The following KAZN variants were observed in gnomAD, a reference collection of about 807,000 sequenced individuals.
KAZN encodes the protein kazrin, periplakin interacting protein.
KAZN carries 40 observed loss-of-function variants against 87.4 expected under a neutral mutation model. That is an observed-to-expected ratio of 0.46 (90% CI 0.36 to 0.60). KAZN has a LOEUF of 0.60. Ranked by LOEUF, KAZN falls within the 20% of genes least tolerant of loss-of-function variation. The pLI is 0.00. For missense variants in KAZN, 898 were observed against 1,073.9 expected (o/e 0.84, Z 2.29); for synonymous variants, 466 against 458.3 (o/e 1.02, Z -0.22).
chr1:14,426,537 A>G (rs1452516930), intron 2 of KAZN, among the ~76,000 whole-genome samples: 1 of 151,886 alleles, frequency 6.6e-6, no homozygotes, highest in Non-Finnish European at 1.5e-5. Context: ...CTGAGACCCC[A>G]GCTGGCCCAA....
At position 14,478,961 on chromosome 1, in the gene KAZN, T is replaced by C. The variant is rs1197063383; in HGVS notation, c.250-120022T>C. ...AAGGAGAAAACAAGATACAGGTATA[T>C]TATAAAGGTTGTTGTTATGGGCAAC... On this transcript the variant is annotated intron_variant, in intron 2 of 16. Transcript: ENST00000636203. Among the ~76,000 whole-genome samples the C allele has an allele frequency of 2.0e-5, 3 of 152,190 alleles. No homozygotes were observed. In the East Asian group the frequency reaches 5.8e-4, roughly 29 times the overall value.
intron 1 of KAZN, among the ~76,000 whole-genome samples, chr1:14,901,540 TG>T (rs1457825402): frequency 1.3e-5 from 2 of 151,736 alleles, no homozygotes; most frequent in African/African-American, 4.8e-5. Flanking sequence ...GGGAGTCAGA[TG>T]GGGGTGGAGA....
intron 1 of KAZN, among the ~76,000 whole-genome samples, chr1:14,883,922 G>C (rs1451679765): frequency 1.3e-5 from 2 of 152,192 alleles, no homozygotes; most frequent in East Asian, 3.9e-4. Context: ...CTGTTTTACA[G>C]AAGAGAGAGG....
intron 1 of KAZN, among the ~76,000 whole-genome samples, chr1:14,888,180 G>C (rs537467813): frequency 6.6e-6 from 1 of 152,156 alleles, no homozygotes; most frequent in Non-Finnish European, 1.5e-5. Context: ...AGCGTGCCTC[G>C]CCGGAGCGGT....
At chr1:15,108,761 A>G (rs496567) in intron 13 of KAZN, among the ~76,000 whole-genome samples, 36,774 of 152,056 alleles carry the variant, frequency 0.24, 4,744 homozygotes, top group East Asian at 0.53. Flanking sequence ...GGTTCTCTAC[A>G]TTGACTCAGG....
chr1:14,249,374 AG>A (rs2100606156), intron 2 of KAZN, among the ~76,000 whole-genome samples: 1 of 152,374 alleles, frequency 6.6e-6, no homozygotes, highest in Admixed American at 6.5e-5. Flanking sequence ...ATCAAGACAG[AG>A]ATTGAATTAT....
At chr1:14,029,717 T>C (rs1176084186) in intron 1 of KAZN, among the ~76,000 whole-genome samples, 1 of 151,820 alleles carries the variant, frequency 6.6e-6, no homozygotes, top group Non-Finnish European at 1.5e-5. Context: ...CCCAACACCA[T>C]TTATTAAATA....
intron 2 of KAZN, among the ~76,000 whole-genome samples, chr1:14,466,839 G>T (rs1055288562): frequency 2.6e-5 from 4 of 152,080 alleles, no homozygotes; most frequent in Admixed American, 2.0e-4. Flanking sequence ...TGTGGTGGCG[G>T]GCGCCTGTGG....
chr1:15,015,073 A>G (rs938484443), intron 2 of KAZN, among the ~76,000 whole-genome samples: 22 of 152,164 alleles, frequency 1.4e-4, no homozygotes, highest in Non-Finnish European at 2.8e-4. Flanking sequence ...GACACATAGT[A>G]TGAACTAAAG....
intron 1 of KAZN, among the ~76,000 whole-genome samples, chr1:14,805,954 T>TTAATGTGC (rs1646205521): frequency 1.3e-5 from 2 of 152,132 alleles, no homozygotes; most frequent in African/African-American, 4.8e-5. Context: ...AAAGAACAAC[T>TTAATGTGC]AGCCTTAATG....
At chr1:14,587,945 C>A (rs1675959336) in intron 2 of KAZN, among the ~76,000 whole-genome samples, 1 of 152,120 alleles carries the variant, frequency 6.6e-6, no homozygotes, top group African/African-American at 2.4e-5. Context: ...CAGTAGCACC[C>A]ATGTTGCGTT....
Position 14,797,285 on chromosome 1 carries a change from T to C in KAZN, c.227-163399T>C, listed in dbSNP as rs192995264. The stretch of plus-strand genomic sequence containing the variant: ...CATGTTGGCCAGGCTGGTCTTGAAC[T>C]CCTGACCTCAGGTGATCCGCCTGCC... On this transcript the variant is annotated intron_variant, in intron 1 of 14. Coordinates refer to ENST00000376030, the MANE Select transcript of KAZN (RefSeq NM_201628.3). Among the ~76,000 whole-genome samples the C allele has an allele frequency of 2.5e-3, 387 of 152,254 alleles. 3 individuals are homozygous for C. The highest frequency in any genetic ancestry group is 8.8e-3 in the African/African-American group (366 of 41,554).
At chr1:14,798,504 T>G (rs1168014011) in intron 1 of KAZN, among the ~76,000 whole-genome samples, 3 of 43,988 alleles carry the variant, frequency 6.8e-5, no homozygotes, top group African/African-American at 5.7e-4. Flanking sequence ...CTCGGCTCAC[T>G]GCAAGCTCCA....
rs948380622 is a variant in KAZN, at chr1:14,920,840, C to A, written c.227-39844C>A. On this transcript the variant is annotated intron_variant, in intron 1 of 14. Coordinates refer to ENST00000376030, the MANE Select transcript of KAZN (RefSeq NM_201628.3). ...TGGGACCTGCCCAAGCCACTCAGGGCAGAAAATGGGTAGGTTAGTCCTTGA... is the reference window on the plus strand; with the variant it reads ...TGGGACCTGCCCAAGCCACTCAGGGAAGAAAATGGGTAGGTTAGTCCTTGA... Among the ~76,000 whole-genome samples, 5 of 152,200 alleles carry A rather than the reference C, an allele frequency of 3.3e-5. No individual in the cohort carries two copies. In the South Asian group the frequency reaches 1.0e-3, roughly 32 times the overall value.
intron 2 of KAZN, among the ~76,000 whole-genome samples, chr1:14,417,011 T>TACGTAC (rs1664836851): frequency 4.1e-5 from 6 of 145,598 alleles, no homozygotes; most frequent in Admixed American, 3.4e-4. Flanking sequence ...TATATATATG[T>TACGTAC]ACACACACAC....
rs532708007 is a variant in KAZN, at chr1:13,898,167, G to A, written c.91+4411G>A. ...GAGGATGTTGGGGGGACCTCCGAGG[G>A]GATAGGCAGTACAGACTCGAGCTGG... On this transcript the variant is annotated intron_variant, in intron 1 of 16. Transcript: ENST00000636203. 2.0e-5 allele frequency among the ~76,000 whole-genome samples: 3 copies of A among 152,318 alleles called. No homozygotes were observed. In the East Asian group the frequency reaches 5.8e-4, roughly 29 times the overall value.
Position 14,209,139 on chromosome 1 carries a change from G to A in KAZN, c.249+28547G>A, listed in dbSNP as rs150360404. ...AAATTAGGATCTCGGCTGCTATGCC[G>A]AGTAGCCGTGGTTACCCAGATCCCT... is the stretch of plus-strand genomic sequence containing the variant. On this transcript the variant is annotated intron_variant, in intron 2 of 16. Coordinates refer to the KAZN transcript ENST00000636203. 6.5e-3 allele frequency among the ~76,000 whole-genome samples: 993 copies of A among 152,308 alleles called. 11 individuals are homozygous for A. Among genetic ancestry groups the A allele is most frequent in the African/African-American group, 0.023 (938 of 41,560 alleles).
chr1:14,789,110 G>C (rs890829496), intron 1 of KAZN, among the ~76,000 whole-genome samples: 2 of 152,158 alleles, frequency 1.3e-5, no homozygotes, highest in Non-Finnish European at 2.9e-5. Context: ...GGGAGCATTC[G>C]TTCATTCCCT....
At chr1:14,754,926 G>A (rs1015971655) in intron 1 of KAZN, among the ~76,000 whole-genome samples, 3 of 151,820 alleles carry the variant, frequency 2.0e-5, no homozygotes, top group African/African-American at 4.8e-5. Context: ...TGGATTTTCC[G>A]GATTGAAAAA....
Sources: gnomAD v4.1 joint callset for allele counts (sites outside exome capture counted in the v4.1 genomes callset) on GRCh38, gnomAD v4.1.1 for gene constraint, MANE v1.5 for transcripts, NCBI Gene and HGNC (gene_info 2026-07-23, HGNC 2026-07-21) for gene names.